Variants in GALNTL6 observed in about 807,000 individuals in gnomAD.
GALNTL6 encodes polypeptide N-acetylgalactosaminyltransferase like 6.
A neutral mutation model predicts 73.7 loss-of-function variants in GALNTL6; 46 were observed. The observed-to-expected ratio is 0.62, with a 90% CI of 0.49 to 0.80. The LOEUF (loss-of-function observed/expected upper bound fraction) is 0.80, where lower values mean the gene tolerates loss of function less well. Ranked by LOEUF, GALNTL6 falls within the 30% of genes least tolerant of loss-of-function variation. The pLI, the probability that GALNTL6 is intolerant of heterozygous loss-of-function variation, is 0.00. For synonymous variants in GALNTL6, 259 were observed against 263.7 expected (o/e 0.98, Z 0.17); for missense variants, 604 against 755.0 (o/e 0.80, Z 2.34).
intron 8 of GALNTL6, among the ~76,000 whole-genome samples, chr4:172,889,406 C>T (rs1369213016): frequency 6.6e-6 from 1 of 151,924 alleles, no homozygotes; most frequent in East Asian, 1.9e-4. Context: ...TCACAGATGT[C>T]TTTTATTATT....
chr4:172,814,181 GC>G, intron 7 of GALNTL6, among the ~76,000 whole-genome samples: 1 of 152,310 alleles, frequency 6.6e-6, no homozygotes, highest in African/African-American at 2.4e-5. Context: ...TATAACGGAA[GC>G]GTGCTCCTAA....
intron 5 of GALNTL6, among the ~76,000 whole-genome samples, chr4:172,416,460 G>C (rs335987): frequency 0.87 from 131,816 of 152,178 alleles, 57,098 homozygotes; most frequent in South Asian, 0.89. Flanking sequence ...CGAATACAAT[G>C]ACCATTACTG....
At chr4:173,001,029 GGGAAATTT>G (rs1265876725) in intron 10 of GALNTL6, among the ~76,000 whole-genome samples, 18 of 152,078 alleles carry the variant, frequency 1.2e-4, no homozygotes, top group African/African-American at 4.3e-4. Flanking sequence ...TCATAAAAAG[GGGAAATTT>G]GGACACCAGC....
chr4:172,125,078 C>G (rs925351290), intron 2 of GALNTL6, among the ~76,000 whole-genome samples: 6 of 152,172 alleles, frequency 3.9e-5, no homozygotes, highest in Admixed American at 1.3e-4. Context: ...GTTATGAGCA[C>G]AGCCAAGCAA....
intron 7 of GALNTL6, among the ~76,000 whole-genome samples, chr4:172,821,002 C>T (rs779323396): frequency 5.3e-5 from 8 of 152,126 alleles, no homozygotes; most frequent in Non-Finnish European, 8.8e-5. Context: ...CAGATCTTGC[C>T]GGAACTTCTC....
intron 5 of GALNTL6, among the ~76,000 whole-genome samples, chr4:172,633,794 T>C (rs907686596): frequency 6.6e-6 from 1 of 152,190 alleles, no homozygotes; most frequent in East Asian, 1.9e-4. Context: ...GTGGAGATGA[T>C]TGAATCATGA....
intron 5 of GALNTL6, among the ~76,000 whole-genome samples, chr4:172,621,726 T>A (rs1207771109): frequency 6.6e-6 from 1 of 152,208 alleles, no homozygotes; most frequent in Non-Finnish European, 1.5e-5. Flanking sequence ...TAATCTGAGA[T>A]TAATATAGGA....
intron 2 of GALNTL6, among the ~76,000 whole-genome samples, chr4:171,831,240 A>G (rs969372066): frequency 2.0e-5 from 3 of 152,038 alleles, no homozygotes; most frequent in Non-Finnish European, 4.4e-5. Context: ...CGTAGAAGCA[A>G]GGAGAGAAAG....
chr4:172,519,988 A>G (rs1734724940), intron 5 of GALNTL6, among the ~76,000 whole-genome samples: 1 of 151,928 alleles, frequency 6.6e-6, no homozygotes, highest in Admixed American at 6.6e-5. Flanking sequence ...ATTATAGTGC[A>G]AACTCATAAA....
intron 5 of GALNTL6, among the ~76,000 whole-genome samples, chr4:172,751,361 G>A (rs1439510533): frequency 2.6e-5 from 4 of 152,138 alleles, no homozygotes; most frequent in African/African-American, 9.7e-5. Flanking sequence ...TTGAGGTGGT[G>A]GGTAACCATG....
intron 5 of GALNTL6, among the ~76,000 whole-genome samples, chr4:172,614,194 CTT>C (rs1738633252): frequency 6.6e-6 from 1 of 152,006 alleles, no homozygotes; most frequent in Non-Finnish European, 1.5e-5. Context: ...CTCAATCGCT[CTT>C]GTGTTCTGTT....
At chr4:172,746,929 C>G (rs1237603941) in intron 5 of GALNTL6, among the ~76,000 whole-genome samples, 2 of 152,022 alleles carry the variant, frequency 1.3e-5, no homozygotes, top group African/African-American at 4.8e-5. Flanking sequence ...CTGACATGAT[C>G]TTCTATATAG....
At chr4:172,817,019 A>G (rs1230772467) in intron 7 of GALNTL6, among the ~76,000 whole-genome samples, 1 of 151,272 alleles carries the variant, frequency 6.6e-6, no homozygotes, top group Non-Finnish European at 1.5e-5. Context: ...GAGGCAGGAG[A>G]ATTGCTTGAA....
chr4:172,906,462 C>T (rs890843144), intron 8 of GALNTL6, among the ~76,000 whole-genome samples: 1 of 152,164 alleles, frequency 6.6e-6, no homozygotes, highest in African/African-American at 2.4e-5. Flanking sequence ...TTATCACAAA[C>T]TTAGTGGCTT....
intron 5 of GALNTL6, among the ~76,000 whole-genome samples, chr4:172,787,794 T>C (rs952590417): frequency 2.0e-5 from 3 of 152,106 alleles, no homozygotes; most frequent in Admixed American, 6.5e-5. Flanking sequence ...GTTTCAGAAG[T>C]GGCATGTTCG....
At position 172,552,718 on chromosome 4, in the gene GALNTL6, A is replaced by G. The variant is rs540527838; in HGVS notation, c.553+204029A>G. Among the ~76,000 whole-genome samples, 14 of 151,146 alleles carry G rather than the reference A, an allele frequency of 9.3e-5. No homozygotes were observed. The East Asian group carries it at 2.5e-3, about 27-fold the overall frequency. On this transcript the variant is annotated intron_variant, in intron 5 of 12. Transcript: ENST00000506823. ...CTTACGTGTGAGAGTTAATCTTAAA[A>G]GTCAATGTTAAAAGCGTTTTTTTTT...
intron 2 of GALNTL6, among the ~76,000 whole-genome samples, chr4:171,937,401 A>G (rs1738382840): frequency 6.6e-6 from 1 of 152,182 alleles, no homozygotes; most frequent in Admixed American, 6.5e-5. Context: ...GTTATTCCAA[A>G]GGACTATTGA....
intron 5 of GALNTL6, among the ~76,000 whole-genome samples, chr4:172,366,095 A>C (rs1742548784): frequency 6.6e-6 from 1 of 152,194 alleles, no homozygotes; most frequent in African/African-American, 2.4e-5. Context: ...TTTTCTTACC[A>C]AAGGTCATAT....
At chr4:172,336,901 GATAT>G (rs1392834877) in intron 4 of GALNTL6, among the ~76,000 whole-genome samples, 2 of 152,152 alleles carry the variant, frequency 1.3e-5, no homozygotes, top group Non-Finnish European at 2.9e-5. Context: ...TGTAGGAGTA[GATAT>G]GTGTTTTATA....
Sources: allele counts gnomAD v4.1 joint callset (sites outside exome capture counted in the v4.1 genomes callset), GRCh38; gene constraint gnomAD v4.1.1; transcripts MANE v1.5; gene names NCBI Gene and HGNC (gene_info 2026-07-23, HGNC 2026-07-21).